PTPN11: variants seen among roughly 807,000 people sequenced by gnomAD.
PTPN11 encodes protein tyrosine phosphatase non-receptor type 11.
Under a neutral mutation model 78.8 loss-of-function variants are expected in PTPN11, and 6 were observed. The observed-to-expected ratio is 0.08, with a 90% CI of 0.04 to 0.15. The LOEUF is 0.15. PTPN11 is among the 10% of genes least tolerant of loss of function. The probability of loss-of-function intolerance (pLI) is 1.00; values close to 1 mark genes in which losing one functional copy is unlikely to be tolerated. For missense variants in PTPN11, 386 were observed against 744.8 expected (o/e 0.52, Z 5.61); for synonymous variants, 221 against 263.5 (o/e 0.84, Z 1.56).
chr12:112,474,557 A>G (rs1471925653), intron 7 of PTPN11, among the ~76,000 whole-genome samples: 4 of 151,916 alleles, frequency 2.6e-5, no homozygotes, highest in Non-Finnish European at 4.4e-5. Context: ...GGCAAAGCCC[A>G]AGTTGAATCA....
intron 6 of PTPN11, among the ~76,000 whole-genome samples, chr12:112,468,835 C>T (rs144181482): frequency 7.9e-5 from 12 of 152,188 alleles, no homozygotes; most frequent in East Asian, 3.9e-4. Context: ...AGGCTGAGGC[C>T]GGAGGAGGGC....
chr12:112,477,561 A>C (rs1386336031), intron 7 of PTPN11, 90 bp from the exon 8 acceptor site: 2 of 1,046,516 alleles, frequency 1.9e-6, no homozygotes, highest in Non-Finnish European at 2.9e-6. Flanking sequence ...AATGAACAAA[A>C]CTTGGACTAG....
In PTPN11 at chr12:112,482,050, T is replaced by C. The variant is rs763733696; in HGVS notation, c.1093-24T>C. ...TATTTCAGAGTTCACAGAATTAACT[T>C]TCTTTTTTTCTGATCTCTTCCAGAG... On this transcript the variant is annotated intron_variant, in intron 9 of 15. Coordinates refer to ENST00000351677, the MANE Select transcript of PTPN11 (RefSeq NM_002834.5). This position sits in a 1 kb window ranked among gnomAD's most constrained non-coding sequence, Gnocchi z 4.4. 1 of 1,542,928 alleles carries C rather than the reference T, an allele frequency of 6.5e-7. No individual in the cohort carries two copies. Among genetic ancestry groups the C allele is most frequent in the Non-Finnish European group, 9.0e-7 (1 of 1,115,972 alleles).
At chr12:112,502,616 G>A (rs1450831202) in intron 14 of PTPN11, among the ~76,000 whole-genome samples, 2 of 152,038 alleles carry the variant, frequency 1.3e-5, no homozygotes, top group Admixed American at 6.5e-5. Context: ...GCATGGTGGC[G>A]CATGCCTGTA....
chr12:112,446,171 T>A (rs986236556), intron 1 of PTPN11, 105 bp from the exon 2 acceptor site: 1 of 1,459,258 alleles, frequency 6.9e-7, no homozygotes. Context: ...TTGTATTTTC[T>A]AAAATTTTCT....
chr12:112,433,796 A>G (rs2037749225), intron 1 of PTPN11, among the ~76,000 whole-genome samples: 1 of 152,146 alleles, frequency 6.6e-6, no homozygotes, highest in Admixed American at 6.6e-5. Context: ...ACAAAGGAAA[A>G]ATAAAACAAT....
chr12:112,467,714 C>T (rs188165740), intron 6 of PTPN11, among the ~76,000 whole-genome samples: 5 of 152,180 alleles, frequency 3.3e-5, no homozygotes, highest in South Asian at 2.1e-4. Context: ...AGGCTGGTCT[C>T]GGACTCCTGA....
chr12:112,490,870 T>C (rs1331416974), intron 13 of PTPN11, among the ~76,000 whole-genome samples: 2 of 152,214 alleles, frequency 1.3e-5, no homozygotes, highest in African/African-American at 2.4e-5. Flanking sequence ...TGGCTGATTG[T>C]GGTAAAGTAA....
rs115653611 is a variant in PTPN11, at chr12:112,500,565, G to A, written c.1600-1579G>A. Among the ~76,000 whole-genome samples the A allele has an allele frequency of 7.6e-3, 1,161 of 152,244 alleles. 15 individuals are homozygous for A. The highest frequency in any genetic ancestry group is 0.026 in the African/African-American group (1,067 of 41,564). The stretch of plus-strand genomic sequence containing the variant: ...ATAAATTGGTTTGGCTACTTTAACA[G>A]AGGCAAATAGTATCAGGCAAAAAAT... On this transcript the variant is annotated intron_variant, in intron 13 of 15. Coordinates refer to ENST00000351677, the MANE Select transcript of PTPN11 (RefSeq NM_002834.5).
intron 5 of PTPN11, among the ~76,000 whole-genome samples, chr12:112,455,601 C>G (rs2038147409): frequency 6.6e-6 from 1 of 152,130 alleles, no homozygotes; most frequent in African/African-American, 2.4e-5. Flanking sequence ...TTTAGGTAAC[C>G]TCACTTATTC....
intron 6 of PTPN11, among the ~76,000 whole-genome samples, chr12:112,461,453 G>A (rs1321518916): frequency 2.0e-5 from 3 of 150,664 alleles, no homozygotes; most frequent in African/African-American, 7.3e-5. Context: ...AGTTTCCTGT[G>A]TAGTTGGGAC....
intron 7 of PTPN11, among the ~76,000 whole-genome samples, chr12:112,476,630 G>A (rs762266094): frequency 1.2e-4 from 19 of 152,120 alleles, no homozygotes; most frequent in South Asian, 2.1e-4. Flanking sequence ...TTAGCCAGAT[G>A]TGGTGGCACG....
At chr12:112,440,369 G>T (rs1289278733) in intron 1 of PTPN11, among the ~76,000 whole-genome samples, 1 of 151,846 alleles carries the variant, frequency 6.6e-6, no homozygotes, top group Non-Finnish European at 1.5e-5. Flanking sequence ...CACCTCCTGG[G>T]TTCATGCCAT....
At chr12:112,483,810 C>T (rs552937422) in intron 10 of PTPN11, among the ~76,000 whole-genome samples, 10 of 151,984 alleles carry the variant, frequency 6.6e-5, no homozygotes, top group Non-Finnish European at 1.2e-4. Flanking sequence ...GTACCAAGGG[C>T]GAGGGTGGTG....
At chr12:112,505,299 C>T (rs980474755) in intron 15 of PTPN11, among the ~76,000 whole-genome samples, 3 of 152,198 alleles carry the variant, frequency 2.0e-5, no homozygotes, top group African/African-American at 4.8e-5. Flanking sequence ...AAATTCATCT[C>T]TCCCATATGT....
At chr12:112,481,862 G>T (rs572405878) in intron 9 of PTPN11, among the ~76,000 whole-genome samples, 31 of 152,170 alleles carry the variant, frequency 2.0e-4, no homozygotes, top group Non-Finnish European at 4.0e-4. Context: ...TGCACCAGCT[G>T]CCTTTCTCCT....
Position 112,419,021 on chromosome 12 carries a change from C to T in PTPN11, c.-91C>T. The stretch of plus-strand genomic sequence containing the variant: ...GCTCTGCCCCGCGTCCGGTCCCGAG[C>T]GGGCCTCCCTCGGGCCAGCCCGATG... On this transcript the variant is annotated 5_prime_UTR_variant, in exon 1 of 16. Coordinates refer to ENST00000351677, the MANE Select transcript of PTPN11 (RefSeq NM_002834.5). 1.3e-6 allele frequency: 2 copies of T among 1,493,242 alleles called. No individual in the cohort carries two copies. Among genetic ancestry groups the T allele is most frequent in the South Asian group, 2.4e-5 (2 of 82,090 alleles). 92.5% of individuals were successfully genotyped at this position (1,493,242 alleles called of 1,614,324 possible).
At chr12:112,499,249 TCA>T (rs1378405293) in intron 13 of PTPN11, among the ~76,000 whole-genome samples, 3 of 152,138 alleles carry the variant, frequency 2.0e-5, no homozygotes, top group Admixed American at 6.5e-5. Flanking sequence ...GTTTTACTCC[TCA>T]GTTTCTATTT....
intron 1 of PTPN11, among the ~76,000 whole-genome samples, chr12:112,438,461 C>G (rs549471339): frequency 6.6e-6 from 1 of 151,848 alleles, no homozygotes; most frequent in African/African-American, 2.4e-5. Flanking sequence ...GTAGCTGGGA[C>G]TACAGGAGCA....
Sources: allele counts gnomAD v4.1 joint callset (sites outside exome capture counted in the v4.1 genomes callset), GRCh38; gene constraint gnomAD v4.1.1; non-coding constraint Gnocchi (gnomAD v3.1); transcripts MANE v1.5; gene names NCBI Gene and HGNC (gene_info 2026-07-23, HGNC 2026-07-21).